ANK3: variants seen among roughly 807,000 people sequenced by gnomAD.
ANK3 encodes ankyrin 3.
In ANK3, 57 loss-of-function variants were observed where a neutral mutation model predicts 370.9. That is an observed-to-expected ratio of 0.15 (90% CI 0.12 to 0.19). The LOEUF is 0.19. ANK3 is among the 10% of genes least tolerant of loss of function. The pLI, the probability that ANK3 is intolerant of heterozygous loss-of-function variation, is 1.00. For missense variants in ANK3, 4,439 were observed against 5,302.1 expected, an observed-to-expected ratio of 0.84 and a Z score of 5.06; for synonymous variants, 1,929 against 1,946.3, an observed-to-expected ratio of 0.99 and a Z score of 0.23.
chr10:60,150,289 C>A (rs2095047460), intron 23 of ANK3, among the ~76,000 whole-genome samples: 1 of 152,280 alleles, frequency 6.6e-6, no homozygotes, highest in South Asian at 2.1e-4. Context: ...GCTTTCCTGT[C>A]TCTGACACTT....
rs1480168789 is a variant in ANK3 at position 60,036,006 on chromosome 10, C to T, written c.*20-6180G>A. ...GAAGCAATTCAGCCCATAGCTCTGACTTCTGAGAATCAGAATCAGGAAATC... is the reference window on the plus strand; with the variant it reads ...GAAGCAATTCAGCCCATAGCTCTGATTTCTGAGAATCAGAATCAGGAAATC... On this transcript the variant is annotated intron_variant, in intron 43 of 43. Transcript: ENST00000280772. 5.3e-5 allele frequency among the ~76,000 whole-genome samples: 8 copies of T among 152,270 alleles called. No homozygotes were observed. In the East Asian group the frequency reaches 1.4e-3, roughly 26 times the overall value.
intron 35 of ANK3, 152 bp from the exon 36 acceptor site, chr10:60,080,770 C>G: frequency 1.4e-6 from 1 of 718,266 alleles, no homozygotes; most frequent in Non-Finnish European, 2.2e-6. Flanking sequence ...AACCCCACCC[C>G]CCATGTCTTA....
At chr10:60,728,310 A>G (rs1332238450) in intron 1 of ANK3, among the ~76,000 whole-genome samples, 1 of 152,204 alleles carries the variant, frequency 6.6e-6, no homozygotes, top group Non-Finnish European at 1.5e-5. Flanking sequence ...GCCGAAACTC[A>G]CTGACATGTC....
rs149557437 is a variant in ANK3, at chr10:60,068,904, A to G, written c.11977T>C (p.Cys3993Arg). ...KVRKSQLKEV[C>R]KHSIEYFKGI... is the part of the protein sequence containing the mutation. ...TTAAAATATTCAATGGAATGTTTAC[A>G]TACTTCCTTGAGCTGACTTTTCCTA... The change falls in exon 37 of 44, where the codon TGT (cysteine) becomes CGT (arginine). Residue 3993 changes from cysteine to arginine, a missense_variant. Around this residue, in one of 13 missense-constraint regions of ANK3, gnomAD observed 496 missense variants for 529.3 expected, o/e 0.94. Transcript: ENST00000280772. 258 of 1,614,122 alleles carry G rather than the reference A, an allele frequency of 1.6e-4. 1 individual carries two copies. The highest frequency in any genetic ancestry group is 4.9e-4 in the Middle Eastern group (3 of 6,062).
chr10:60,559,974 C>T (rs1021418777), intron 2 of ANK3, among the ~76,000 whole-genome samples: 2 of 151,962 alleles, frequency 1.3e-5, no homozygotes, highest in African/African-American at 4.8e-5. Context: ...ACCTGGGAGG[C>T]AGAGGTTGCA....
chr10:60,595,715 T>C (rs1238289344), intron 2 of ANK3, among the ~76,000 whole-genome samples: 2 of 152,174 alleles, frequency 1.3e-5, no homozygotes, highest in South Asian at 2.1e-4. Context: ...GGAACTGTTA[T>C]CTTTGTTTCA....
chr10:60,310,937 G>C (rs9299440), intron 1 of ANK3, among the ~76,000 whole-genome samples: 1 of 151,952 alleles, frequency 6.6e-6, no homozygotes, highest in Non-Finnish European at 1.5e-5. Context: ...CATGTGTTTC[G>C]TTTTAAGGGA....
At chr10:60,694,347 C>G (rs2079408684) in intron 1 of ANK3, among the ~76,000 whole-genome samples, 1 of 152,282 alleles carries the variant, frequency 6.6e-6, no homozygotes, top group Admixed American at 6.5e-5. Flanking sequence ...AGGAGAACTT[C>G]CCCAATCTAG....
At chr10:60,629,891 T>A (rs2078459716) in intron 1 of ANK3, among the ~76,000 whole-genome samples, 1 of 152,198 alleles carries the variant, frequency 6.6e-6, no homozygotes, top group South Asian at 2.1e-4. Flanking sequence ...AAGATGTGCA[T>A]GCTACATTGC....
chr10:60,548,047 C>T (rs1054782164), intron 2 of ANK3, among the ~76,000 whole-genome samples: 1 of 152,094 alleles, frequency 6.6e-6, no homozygotes, highest in African/African-American at 2.4e-5. Context: ...GACAGGTTCT[C>T]ATCATTTTCT....
intron 1 of ANK3, chr10:60,684,518 T>A (rs1326778607): frequency 7.9e-6 from 12 of 1,523,220 alleles, no homozygotes; most frequent in Non-Finnish European, 1.1e-5. Context: ...GGGAATGGAC[T>A]ATCAGACCAG....
chr10:60,159,558 C>A (rs561143427), intron 23 of ANK3, among the ~76,000 whole-genome samples: 2 of 152,162 alleles, frequency 1.3e-5, no homozygotes, highest in African/African-American at 4.8e-5. Context: ...CTACCATAGA[C>A]CAAATGACCC....
intron 42 of ANK3, among the ~76,000 whole-genome samples, chr10:60,047,362 G>T (rs1222858394): frequency 1.3e-5 from 2 of 152,132 alleles, no homozygotes; most frequent in Non-Finnish European, 2.9e-5. Flanking sequence ...TAGAATTTTT[G>T]AATAAAATGG....
intron 2 of ANK3, among the ~76,000 whole-genome samples, chr10:60,601,168 A>T (rs932096700): frequency 2.0e-5 from 2 of 99,346 alleles, no homozygotes; most frequent in African/African-American, 7.1e-5. Context: ...AAACATTTAT[A>T]CAACGCACAC....
rs115493402 is a variant in ANK3 at position 60,344,421 on chromosome 10, A to G, written c.114+45004T>C. Among the ~76,000 whole-genome samples the G allele has an allele frequency of 2.0e-3, 308 of 152,308 alleles. 1 individual carries two copies. Among genetic ancestry groups the G allele is most frequent in the African/African-American group, 6.9e-3 (285 of 41,558 alleles). On this transcript the variant is annotated intron_variant, in intron 1 of 43. Transcript: ENST00000280772. ...AGATTATCCCGATGCCAAAGATGCT[A>G]TGGGAGTGCCTAGATTTCACAGGAG...
At chr10:60,120,823 A>G (rs1220213019) in intron 25 of ANK3, among the ~76,000 whole-genome samples, 1 of 152,200 alleles carries the variant, frequency 6.6e-6, no homozygotes, top group Non-Finnish European at 1.5e-5. Context: ...GGCAATAACA[A>G]ATTCTAACCA....
chr10:60,202,935 A>AT lies in ANK3; in HGVS notation c.1392+66dup, dbSNP rs1327966451. The AT allele has an allele frequency of 1.6e-5, 19 of 1,169,278 alleles. No homozygotes were observed. The Admixed American group carries it at 2.5e-4, about 15-fold the overall frequency. The allele number at this position is 1,169,278 out of a possible 1,614,324, so 72.4% of individuals were successfully genotyped here. On this transcript the variant is annotated intron_variant, in intron 12 of 43. Transcript: ENST00000280772. ...AAAAAATAAAAAATAAAAAAAGTAG[A>AT]TAAAAACCACCTTTGCCAGTTTATT...
At chr10:60,251,021 C>T (rs2097655615) in intron 7 of ANK3, among the ~76,000 whole-genome samples, 1 of 152,156 alleles carries the variant, frequency 6.6e-6, no homozygotes, top group Non-Finnish European at 1.5e-5. Flanking sequence ...TTAGCACTAG[C>T]TCCACTAGTT....
intron 1 of ANK3, among the ~76,000 whole-genome samples, chr10:60,658,902 GAAAGGAAAGA>G (rs1047974436): frequency 3.6e-5 from 4 of 111,958 alleles, no homozygotes; most frequent in South Asian, 7.5e-4. Flanking sequence ...AGAGAAAAAG[GAAAGGAAAGA>G]AAAGGAAAGG....
Sources: allele counts gnomAD v4.1 joint callset (sites outside exome capture counted in the v4.1 genomes callset), GRCh38; gene constraint gnomAD v4.1.1; regional missense constraint gnomAD v4.1.1; transcripts MANE v1.5; gene names NCBI Gene and HGNC (gene_info 2026-07-23, HGNC 2026-07-21).